EXT2: variants seen among roughly 807,000 people sequenced by gnomAD.
The protein encoded by EXT2 is exostosin glycosyltransferase 2.
In EXT2, 53 loss-of-function variants were observed where a neutral mutation model predicts 81.6. The ratio of observed to expected loss-of-function variants is 0.65; its 90% CI spans 0.52 to 0.82. EXT2 has a LOEUF of 0.82. Ranked by LOEUF, EXT2 falls within the 40% of genes least tolerant of loss-of-function variation. The pLI is 0.00. For missense variants in EXT2, 774 were observed against 910.2 expected (o/e 0.85, Z 1.93); for synonymous variants, 320 against 340.0 (o/e 0.94, Z 0.65).
chr11:44,188,362 T>G (rs760039659), intron 8 of EXT2, among the ~76,000 whole-genome samples: 2 of 152,212 alleles, frequency 1.3e-5, no homozygotes, highest in Non-Finnish European at 2.9e-5. Context: ...GCTAGGAAAC[T>G]AAAAGATTAT....
At chr11:44,169,559 T>A (rs1955042766) in intron 7 of EXT2, among the ~76,000 whole-genome samples, 2 of 152,152 alleles carry the variant, frequency 1.3e-5, no homozygotes, top group Non-Finnish European at 2.9e-5. Flanking sequence ...AATAGAATAA[T>A]CATACATTTA....
chr11:44,105,668 G>A (rs1954043687), intron 1 of EXT2, among the ~76,000 whole-genome samples: 1 of 152,216 alleles, frequency 6.6e-6, no homozygotes, highest in African/African-American at 2.4e-5. Context: ...GTATGTGGCA[G>A]ATGATGCAGC....
At position 44,221,102 on chromosome 11, in the gene EXT2, C is replaced by T. The variant is rs1955776674; in HGVS notation, c.1663-11251C>T. ...ATCCAATGTAGAACTAGCAGCCTCC[C>T]TGCCCCACAGAGGAGGGCACATACT... On this transcript the variant is annotated intron_variant, in intron 10 of 13. Coordinates refer to ENST00000533608, the MANE Select transcript of EXT2 (RefSeq NM_207122.2). Among the ~76,000 whole-genome samples, 3 of 152,210 alleles carry T rather than the reference C, an allele frequency of 2.0e-5. No homozygotes were observed. In the South Asian group the frequency reaches 6.2e-4, roughly 32 times the overall value.
At chr11:44,114,341 A>G (rs1431376721) in intron 4 of EXT2, 40 bp downstream of exon 4, 7 of 1,555,622 alleles carry the variant, frequency 4.5e-6, no homozygotes, top group African/African-American at 1.4e-5. Flanking sequence ...CCTTTACTGA[A>G]TCTGTGAGAT....
At chr11:44,138,824 A>G (rs1240004097) in intron 7 of EXT2, among the ~76,000 whole-genome samples, 1 of 152,146 alleles carries the variant, frequency 6.6e-6, no homozygotes. Flanking sequence ...TGGAGCTAAT[A>G]ATAGTATGGA....
rs1956082979 is a variant in EXT2 at position 44,245,207 on chromosome 11, G to T, written c.*920G>T. On this transcript the variant is annotated 3_prime_UTR_variant, in exon 14 of 14. Coordinates refer to ENST00000533608, the MANE Select transcript of EXT2 (RefSeq NM_207122.2). ...AGGTATTGTCAGAGAAAAACAGAGG[G>T]TCTGTACTAGCCATGCAAGGAGTCG... is the stretch of plus-strand genomic sequence containing the variant. 1 of 228,502 alleles carries T rather than the reference G, an allele frequency of 4.4e-6. No individual in the cohort carries two copies. Among genetic ancestry groups the T allele is most frequent in the Non-Finnish European group, 8.7e-6 (1 of 114,824 alleles). The allele number at this position is 228,502 out of a possible 1,614,324, so 14.2% of individuals were successfully genotyped here.
At chr11:44,214,523 C>T (rs1955693855) in intron 10 of EXT2, among the ~76,000 whole-genome samples, 1 of 152,106 alleles carries the variant, frequency 6.6e-6, no homozygotes, top group Admixed American at 6.5e-5. Context: ...TTCAGATTTC[C>T]TTCTTGTGTT....
At chr11:44,136,887 C>T (rs901902074) in intron 7 of EXT2, among the ~76,000 whole-genome samples, 1 of 152,140 alleles carries the variant, frequency 6.6e-6, no homozygotes, top group Non-Finnish European at 1.5e-5. Flanking sequence ...GTGAAGTAGA[C>T]AACCATGGTT....
Position 44,108,184 on chromosome 11 carries a change from G to A in EXT2, c.472G>A (p.Asp158Asn), listed in dbSNP as rs768999889. 9.3e-6 allele frequency: 15 copies of A among 1,613,822 alleles called. No individual in the cohort carries two copies. The South Asian group carries it at 9.9e-5, about 11-fold the overall frequency. ...GGCCTGTCTGTTTGTTCCCTCCATC[G>A]ATGTGCTTAACCAGAACACACTGCG... The part of the protein sequence containing the change: ...NRACLFVPSI[D>N]VLNQNTLRIK... Residue 158 changes from aspartate (D) to asparagine (N), a missense_variant, in exon 2 of 14, where the codon GAT becomes AAT. Physicochemically the swap from Asp to Asn is conservative, Grantham distance 23. Transcript: ENST00000533608.
At chr11:44,158,602 A>T (rs953843139) in intron 7 of EXT2, among the ~76,000 whole-genome samples, 1 of 150,770 alleles carries the variant, frequency 6.6e-6, no homozygotes, top group Non-Finnish European at 1.5e-5. Context: ...ATTAAAAATT[A>T]ATAAATTGAT....
intron 7 of EXT2, among the ~76,000 whole-genome samples, chr11:44,164,237 T>C (rs1236048395): frequency 6.6e-6 from 1 of 152,226 alleles, no homozygotes; most frequent in African/African-American, 2.4e-5. Flanking sequence ...AAAATTCCCA[T>C]ATGTTCCTGC....
chr11:44,213,647 T>C (rs939703124), intron 10 of EXT2, among the ~76,000 whole-genome samples: 5 of 152,152 alleles, frequency 3.3e-5, no homozygotes, highest in South Asian at 2.1e-4. Context: ...CTGGAGAACT[T>C]GAAGATAAAT....
chr11:44,170,553 A>G lies in EXT2; in HGVS notation c.1174-1058A>G, dbSNP rs545383500. 2.0e-5 allele frequency among the ~76,000 whole-genome samples: 3 copies of G among 152,316 alleles called. No homozygotes were observed. The South Asian group carries it at 6.2e-4, about 32-fold the overall frequency. The stretch of plus-strand genomic sequence containing the variant: ...TTTTAAAAAAAGATTAACAAAATTG[A>G]TAAAGCTCTACTAAGACTGATCAAG... On this transcript the variant is annotated intron_variant, in intron 7 of 13. Coordinates refer to ENST00000533608, the MANE Select transcript of EXT2 (RefSeq NM_207122.2).
chr11:44,117,467 T>A (rs1450432066), intron 4 of EXT2, among the ~76,000 whole-genome samples: 1 of 152,230 alleles, frequency 6.6e-6, no homozygotes, highest in Non-Finnish European at 1.5e-5. Flanking sequence ...GATTTATGGT[T>A]CATTTTGGTT....
chr11:44,216,690 T>G (rs939128956), intron 10 of EXT2, among the ~76,000 whole-genome samples: 1 of 152,022 alleles, frequency 6.6e-6, no homozygotes, highest in African/African-American at 2.4e-5. Flanking sequence ...CAGAGACCAT[T>G]TTAAAGCAAC....
At chr11:44,180,353 T>A (rs1955218559) in intron 8 of EXT2, among the ~76,000 whole-genome samples, 1 of 152,232 alleles carries the variant, frequency 6.6e-6, no homozygotes, top group Non-Finnish European at 1.5e-5. Flanking sequence ...TTATTAGAGC[T>A]GTATAAATGT....
At chr11:44,228,164 C>T (rs892878340) in intron 10 of EXT2, among the ~76,000 whole-genome samples, 8 of 152,102 alleles carry the variant, frequency 5.3e-5, no homozygotes, top group Non-Finnish European at 1.2e-4. Flanking sequence ...CCCAAAGATG[C>T]GTGCAATTTA....
At chr11:44,097,951 C>T (rs1423760072) in intron 1 of EXT2, among the ~76,000 whole-genome samples, 1 of 152,176 alleles carries the variant, frequency 6.6e-6, no homozygotes, top group East Asian at 1.9e-4. Context: ...CTCATCCTCA[C>T]AATAGGTTGG....
rs1955474586 is a variant in EXT2, at chr11:44,197,861, C to T, written c.1338C>T (p.Leu446=). 1 of 1,614,074 alleles carries T rather than the reference C, an allele frequency of 6.2e-7. No individual in the cohort carries two copies. Among genetic ancestry groups the T allele is most frequent in the Admixed American group, 1.7e-5 (1 of 60,020 alleles). The change falls in exon 9 of 14, where the codon CTC becomes CTT. Residue 446 remains leucine, a synonymous_variant. Coordinates refer to ENST00000533608, the MANE Select transcript of EXT2 (RefSeq NM_207122.2). ...KWGSVSNPLF[L]PLIPPQSQGF... ...GCAGCGTGAGCAATCCACTCTTCCTCCCGCTGATCCCACCACAGTCTCAAG... is the reference window on the plus strand; with the variant it reads ...GCAGCGTGAGCAATCCACTCTTCCTTCCGCTGATCCCACCACAGTCTCAAG...
Sources: allele counts gnomAD v4.1 joint callset (sites outside exome capture counted in the v4.1 genomes callset), GRCh38; gene constraint gnomAD v4.1.1; transcripts MANE v1.5; gene names NCBI Gene and HGNC (gene_info 2026-07-23, HGNC 2026-07-21).